The following PHACTR1 variants were observed in gnomAD, a reference collection of about 807,000 sequenced individuals.
PHACTR1 encodes phosphatase and actin regulator 1.
In PHACTR1, 16 loss-of-function variants were observed where a neutral mutation model predicts 69.2. The ratio of observed to expected loss-of-function variants is 0.23; its 90% CI spans 0.16 to 0.35. PHACTR1 has a LOEUF of 0.35. PHACTR1 is among the 10% of genes least tolerant of loss of function. The pLI, the probability that PHACTR1 is intolerant of heterozygous loss-of-function variation, is 1.00. For synonymous variants in PHACTR1, 312 were observed against 284.5 expected (o/e 1.10, Z -0.97); for missense variants, 510 against 734.7 (o/e 0.69, Z 3.54).
intron 5 of PHACTR1, among the ~76,000 whole-genome samples, chr6:13,105,127 A>G (rs994284472): frequency 1.3e-5 from 2 of 152,200 alleles, no homozygotes; most frequent in African/African-American, 2.4e-5. Flanking sequence ...TACACCTGTA[A>G]TTCAACCACT....
intron 5 of PHACTR1, among the ~76,000 whole-genome samples, chr6:13,140,202 A>G (rs2113328449): frequency 7.7e-6 from 1 of 130,002 alleles, no homozygotes; most frequent in South Asian, 2.6e-4. Flanking sequence ...AAAATGGTGC[A>G]GCTGCTCTGG....
intron 4 of PHACTR1, among the ~76,000 whole-genome samples, chr6:12,821,476 AAAAAAAAAGAG>A (rs1424067231): frequency 4.0e-4 from 39 of 97,962 alleles, no homozygotes; most frequent in South Asian, 8.6e-4. Flanking sequence ...AAAAAAAAAA[AAAAAAAAAGAG>A]AGAGAGAGAG....
At chr6:13,148,176 A>T (rs1360622639) in intron 5 of PHACTR1, among the ~76,000 whole-genome samples, 5 of 137,306 alleles carry the variant, frequency 3.6e-5, no homozygotes, top group East Asian at 2.1e-4. Context: ...TTGTGTGTTT[A>T]CTGGTTTTTT....
chr6:12,723,216 G>A (rs909451824), intron 3 of PHACTR1, among the ~76,000 whole-genome samples: 3 of 152,070 alleles, frequency 2.0e-5, no homozygotes, highest in African/African-American at 7.2e-5. Context: ...TAGCCCATGG[G>A]TTTTTATGAT....
intron 5 of PHACTR1, among the ~76,000 whole-genome samples, chr6:13,130,409 C>G (rs1229619449): frequency 1.3e-5 from 2 of 151,862 alleles, no homozygotes; most frequent in African/African-American, 4.8e-5. Flanking sequence ...TTTGATAGAC[C>G]TCTAGTGAGA....
At chr6:12,756,223 G>C (rs1465111355) in intron 4 of PHACTR1, among the ~76,000 whole-genome samples, 1 of 152,036 alleles carries the variant, frequency 6.6e-6, no homozygotes, top group East Asian at 1.9e-4. Flanking sequence ...TTTTCTCCTT[G>C]AGTTTATGGG....
chr6:12,899,856 T>C (rs1320298572), intron 4 of PHACTR1, among the ~76,000 whole-genome samples: 1 of 152,160 alleles, frequency 6.6e-6, no homozygotes, highest in African/African-American at 2.4e-5. Context: ...CCCGGGTCTG[T>C]GATGTGTGGT....
intron 4 of PHACTR1, chr6:12,958,119 G>A (rs1028445292): frequency 7.3e-6 from 6 of 826,062 alleles, no homozygotes; most frequent in Non-Finnish European, 5.8e-6. Context: ...TGCTTTGTTC[G>A]GTTTAGAGAA....
In PHACTR1 at chr6:13,022,875, G is replaced by A. The variant is rs146778980; in HGVS notation, c.251-30490G>A. 7.8e-3 allele frequency among the ~76,000 whole-genome samples: 1,187 copies of A among 152,110 alleles called. 16 individuals carry two copies. Among genetic ancestry groups the A allele is most frequent in the African/African-American group, 0.026 (1,092 of 41,496 alleles). The stretch of plus-strand genomic sequence containing the variant: ...CTACAAAAAGTACTAAAATTAGCCA[G>A]GTGTGGTGGTGCATGCCTGGAATCC... On this transcript the variant is annotated intron_variant, in intron 4 of 14. Coordinates refer to ENST00000332995, the MANE Select transcript of PHACTR1 (RefSeq NM_030948.6).
At chr6:13,160,375 T>A (rs1758815309) in intron 6 of PHACTR1, 91 bp downstream of exon 6, 1 of 1,096,112 alleles carries the variant, frequency 9.1e-7, no homozygotes. Flanking sequence ...ATTTTCTGCA[T>A]CACCAGATAT....
chr6:13,083,601 T>C (rs1370122714), intron 5 of PHACTR1, among the ~76,000 whole-genome samples: 4 of 152,190 alleles, frequency 2.6e-5, no homozygotes, highest in Admixed American at 6.5e-5. Flanking sequence ...TCCATTTGTT[T>C]GTATCCTCTT....
chr6:13,222,411 C>T (rs920197592), intron 8 of PHACTR1, among the ~76,000 whole-genome samples: 3 of 152,198 alleles, frequency 2.0e-5, no homozygotes, highest in Non-Finnish European at 4.4e-5. Flanking sequence ...AGCTCAGGAA[C>T]TGAAGGCAGG....
At chr6:13,001,694 G>A (rs1283755400) in intron 4 of PHACTR1, among the ~76,000 whole-genome samples, 2 of 152,170 alleles carry the variant, frequency 1.3e-5, no homozygotes. Flanking sequence ...AATAAATAGT[G>A]TGCCCCCCAC....
chr6:12,999,293 A>T (rs1019708762), intron 4 of PHACTR1, among the ~76,000 whole-genome samples: 2 of 152,222 alleles, frequency 1.3e-5, no homozygotes, highest in African/African-American at 4.8e-5. Context: ...ATGAACCAAC[A>T]TGCAATAATC....
chr6:13,042,374 A>G (rs1804326664), intron 4 of PHACTR1, among the ~76,000 whole-genome samples: 1 of 152,324 alleles, frequency 6.6e-6, no homozygotes, highest in South Asian at 2.1e-4. Context: ...CTTTCTTCTT[A>G]GCCAGCCACC....
At chr6:13,145,831 T>G (rs1354969912) in intron 5 of PHACTR1, among the ~76,000 whole-genome samples, 2 of 152,172 alleles carry the variant, frequency 1.3e-5, no homozygotes, top group Admixed American at 1.3e-4. Context: ...GAAAACAAAT[T>G]CCTGTTGTTT....
intron 5 of PHACTR1, among the ~76,000 whole-genome samples, chr6:13,097,150 G>A (rs765783338): frequency 2.5e-4 from 38 of 152,164 alleles, no homozygotes; most frequent in Non-Finnish European, 4.4e-4. Flanking sequence ...CACAATTATA[G>A]ACAGGGTCAG....
At chr6:13,055,916 A>G (rs1561761899) in intron 5 of PHACTR1, among the ~76,000 whole-genome samples, 1 of 152,268 alleles carries the variant, frequency 6.6e-6, no homozygotes, top group Non-Finnish European at 1.5e-5. Context: ...CTTGTCATTA[A>G]TGATCATAGC....
intron 7 of PHACTR1, among the ~76,000 whole-genome samples, chr6:13,191,263 A>T (rs777161703): frequency 5.3e-5 from 8 of 152,192 alleles, no homozygotes; most frequent in Non-Finnish European, 1.0e-4. Flanking sequence ...GAATGTTTGC[A>T]TAGAAGTCTC....
Sources: allele counts gnomAD v4.1 joint callset (sites outside exome capture counted in the v4.1 genomes callset), GRCh38; gene constraint gnomAD v4.1.1; transcripts MANE v1.5; gene names NCBI Gene and HGNC (gene_info 2026-07-23, HGNC 2026-07-21).